Variants in CPNE8 observed in about 807,000 individuals in gnomAD.
CPNE8 encodes the protein copine 8, also known as copine-8.
CPNE8 carries 45 observed loss-of-function variants against 81.5 expected under a neutral mutation model. That is an observed-to-expected ratio of 0.55 (90% confidence interval 0.44 to 0.71). CPNE8 has a LOEUF of 0.71. Among genes scored for constraint, CPNE8 ranks in the 30% least tolerant of loss-of-function variants. The probability of loss-of-function intolerance (pLI) is 0.00; values close to 1 mark genes in which losing one functional copy is unlikely to be tolerated. For synonymous variants in CPNE8, 252 were observed against 226.3 expected (o/e 1.11, Z -1.02); for missense variants, 594 against 672.1 (o/e 0.88, Z 1.28).
chr12:38,724,932 T>C, intron 11 of CPNE8, 33 bp from the exon 12 acceptor site: 3 of 1,502,396 alleles, frequency 2.0e-6, no homozygotes, highest in Non-Finnish European at 2.7e-6. Flanking sequence ...TAAAATGTGT[T>C]AGGTTTTATA....
chr12:38,683,472 C>T (rs545391465), intron 16 of CPNE8, among the ~76,000 whole-genome samples: 6 of 152,208 alleles, frequency 3.9e-5, no homozygotes, highest in Admixed American at 2.6e-4. Context: ...AAGAATTTTA[C>T]ATAAATGGAG....
Position 38,858,285 on chromosome 12 carries a change from G to A in CPNE8, c.187-9623C>T, listed in dbSNP as rs560600117. On this transcript the variant is annotated intron_variant, in intron 3 of 19. Transcript: ENST00000331366. ...ACATAGATGGTTATGATGCAGTTCC[G>A]TCGAGCCCCAAAATTGGGGCTTATC... Among the ~76,000 whole-genome samples the A allele has an allele frequency of 2.6e-5, 4 of 152,256 alleles. No homozygotes were observed. The East Asian group carries it at 5.8e-4, about 22-fold the overall frequency.
intron 10 of CPNE8, among the ~76,000 whole-genome samples, chr12:38,745,888 T>A (rs1456464727): frequency 6.6e-6 from 1 of 152,218 alleles, no homozygotes; most frequent in Admixed American, 6.5e-5. Flanking sequence ...CAATGGTCCT[T>A]AACCCAAATC....
intron 10 of CPNE8, among the ~76,000 whole-genome samples, chr12:38,741,510 C>T (rs1941104219): frequency 6.6e-6 from 1 of 152,170 alleles, no homozygotes; most frequent in South Asian, 2.1e-4. Context: ...CCCTTCCTTA[C>T]ACCTTATACA....
chr12:38,802,970 C>T (rs1373414932), intron 6 of CPNE8, among the ~76,000 whole-genome samples: 1 of 144,532 alleles, frequency 6.9e-6, no homozygotes, highest in East Asian at 2.0e-4. Flanking sequence ...GAAGTTGAAT[C>T]TCTGAATAGA....
At chr12:38,808,005 C>T (rs550108233) in intron 6 of CPNE8, among the ~76,000 whole-genome samples, 1 of 152,032 alleles carries the variant, frequency 6.6e-6, no homozygotes, top group Admixed American at 6.6e-5. Flanking sequence ...TGGAAAAATG[C>T]TCATCATCAC....
chr12:38,746,574 CTGCTT>C (rs1258185840), intron 10 of CPNE8, among the ~76,000 whole-genome samples: 1 of 152,090 alleles, frequency 6.6e-6, no homozygotes, highest in Non-Finnish European at 1.5e-5. Context: ...ATTGAGAACT[CTGCTT>C]TCTTTCATTA....
intron 4 of CPNE8, 118 bp downstream of exon 4, chr12:38,848,441 A>C: frequency 7.2e-7 from 1 of 1,395,310 alleles, no homozygotes; most frequent in South Asian, 1.7e-5. Context: ...GAACAGAATT[A>C]ATCTGGTTTC....
At chr12:38,798,696 C>A (rs1233797059) in intron 6 of CPNE8, among the ~76,000 whole-genome samples, 1 of 151,496 alleles carries the variant, frequency 6.6e-6, no homozygotes, top group Non-Finnish European at 1.5e-5. Context: ...TCACACATAA[C>A]AATATTAACT....
At chr12:38,766,776 G>T (rs1941699633) in intron 8 of CPNE8, among the ~76,000 whole-genome samples, 1 of 151,580 alleles carries the variant, frequency 6.6e-6, no homozygotes, top group Admixed American at 6.6e-5. Flanking sequence ...AAACAAAAAA[G>T]AAAATATTAA....
At position 38,652,352 on chromosome 12, in the gene CPNE8, A is replaced by G. The variant is rs1420153115; in HGVS notation, c.*1530T>C. 2 of 152,530 alleles carry G rather than the reference A, an allele frequency of 1.3e-5. No individual in the cohort carries two copies. The highest frequency in any genetic ancestry group is 4.8e-5 in the African/African-American group (2 of 41,452). The allele number at this position is 152,530 out of a possible 1,614,324, so 9.4% of individuals were successfully genotyped here. A position where few individuals can be genotyped will look rare whatever the true frequency, so the allele number is the denominator to read the frequency against. ...CATTCATACATGAAACGTACAAAGC[A>G]AATAGTTATGATTTAAAGATTTTAA... On this transcript the variant is annotated 3_prime_UTR_variant, in exon 20 of 20. Transcript: ENST00000331366.
rs555272057 is a variant in CPNE8, at chr12:38,788,777, T to A, written c.408-12476A>T. Among the ~76,000 whole-genome samples the A allele has an allele frequency of 2.0e-5, 3 of 151,732 alleles. No homozygotes were observed. The East Asian group carries it at 5.8e-4, about 29-fold the overall frequency. On this transcript the variant is annotated intron_variant, in intron 6 of 19. Coordinates refer to ENST00000331366, the MANE Select transcript of CPNE8 (RefSeq NM_153634.3). The stretch of plus-strand genomic sequence containing the variant: ...ATTCAGTAAATTGAAGGATATAAAA[T>A]CAACGTAAAAATCAGTAGAATTTCT...
chr12:38,855,119 G>T (rs1028651472), intron 3 of CPNE8, among the ~76,000 whole-genome samples: 1 of 150,898 alleles, frequency 6.6e-6, no homozygotes, highest in Non-Finnish European at 1.5e-5. Flanking sequence ...ATCTGAAAAA[G>T]AAATTAAGAA....
chr12:38,807,766 C>G lies in CPNE8; in HGVS notation c.407+21613G>C, dbSNP rs1012090504. ...AATTGACAAACGGGATCTAATTAAA[C>G]TAAAGAGCTTCTGCACAGCAAAAGA... On this transcript the variant is annotated intron_variant, in intron 6 of 19. Transcript: ENST00000331366. 3.3e-3 allele frequency among the ~76,000 whole-genome samples: 503 copies of G among 151,562 alleles called. 3 individuals are homozygous for G. The highest frequency in any genetic ancestry group is 0.012 in the African/African-American group (484 of 41,350).
chr12:38,832,620 A>C (rs1943306458), intron 5 of CPNE8, among the ~76,000 whole-genome samples: 1 of 152,170 alleles, frequency 6.6e-6, no homozygotes, highest in Non-Finnish European at 1.5e-5. Context: ...GGTGAGTATA[A>C]TGTACATACG....
At chr12:38,812,680 G>A (rs1380321565) in intron 6 of CPNE8, among the ~76,000 whole-genome samples, 1 of 152,176 alleles carries the variant, frequency 6.6e-6, no homozygotes, top group African/African-American at 2.4e-5. Flanking sequence ...TTGGGGAGGT[G>A]TTTAAGTCAT....
chr12:38,879,971 G>C (rs899505136), intron 1 of CPNE8, among the ~76,000 whole-genome samples: 2 of 152,116 alleles, frequency 1.3e-5, no homozygotes, highest in Non-Finnish European at 2.9e-5. Flanking sequence ...GCTGTACCTT[G>C]AGTGCAATTT....
intron 4 of CPNE8, among the ~76,000 whole-genome samples, chr12:38,844,853 C>A (rs958550644): frequency 2.6e-5 from 4 of 152,144 alleles, no homozygotes; most frequent in African/African-American, 4.8e-5. Context: ...ATAAAATCAA[C>A]AGGCATTAAG....
intron 6 of CPNE8, among the ~76,000 whole-genome samples, chr12:38,824,120 G>A (rs1190698524): frequency 1.3e-5 from 2 of 152,048 alleles, no homozygotes; most frequent in Non-Finnish European, 2.9e-5. Flanking sequence ...AAAATCTTAA[G>A]CTGCTATTAA....
Sources: gnomAD v4.1 joint callset for allele counts (sites outside exome capture counted in the v4.1 genomes callset) on GRCh38, gnomAD v4.1.1 for gene constraint, MANE v1.5 for transcripts, NCBI Gene and HGNC (gene_info 2026-07-23, HGNC 2026-07-21) for gene names.